Variants in KAZN observed in about 807,000 individuals in gnomAD.
KAZN encodes the protein kazrin.
KAZN carries 40 observed loss-of-function variants against 87.4 expected under a neutral mutation model. That is an observed-to-expected ratio of 0.46 (90% confidence interval 0.36 to 0.60). The LOEUF is 0.60. Ranked by LOEUF, KAZN falls within the 20% of genes least tolerant of loss-of-function variation. The pLI, the probability that KAZN is intolerant of heterozygous loss-of-function variation, is 0.00. For missense variants in KAZN, 898 were observed against 1,073.9 expected, an observed-to-expected ratio of 0.84 and a Z score of 2.29; for synonymous variants, 466 against 458.3, an observed-to-expected ratio of 1.02 and a Z score of -0.22.
chr1:14,725,065 A>G (rs1012276327), intron 1 of KAZN, among the ~76,000 whole-genome samples: 45 of 152,320 alleles, frequency 3.0e-4, no homozygotes, highest in African/African-American at 1.0e-3. Context: ...TTCCTCTTGT[A>G]ATTTACCAGA....
chr1:14,552,338 A>T lies in KAZN; in HGVS notation c.250-46645A>T, dbSNP rs141958366. On this transcript the variant is annotated intron_variant, in intron 2 of 16. Coordinates refer to the KAZN transcript ENST00000636203. ...CTGCAGCTTACCAGGCTCCACGGAG[A>T]GCGGCCCAGGCAGGAGGGCTGGGAG... Among the ~76,000 whole-genome samples the T allele has an allele frequency of 7.8e-3, 1,184 of 152,268 alleles. 17 individuals carry two copies. The highest frequency in any genetic ancestry group is 0.027 in the African/African-American group (1,115 of 41,548).
intron 1 of KAZN, among the ~76,000 whole-genome samples, chr1:14,896,253 C>G (rs190140551): frequency 2.6e-5 from 4 of 152,238 alleles, no homozygotes; most frequent in Admixed American, 2.0e-4. Context: ...CAGGGTTTCA[C>G]CATGTTGGCC....
At chr1:14,636,483 C>T (rs549097568) in intron 1 of KAZN, among the ~76,000 whole-genome samples, 10 of 152,280 alleles carry the variant, frequency 6.6e-5, no homozygotes, top group South Asian at 2.1e-4. Context: ...TCTCCTATGT[C>T]GCTTAAAACT....
chr1:14,912,467 T>C (rs1178703765), intron 1 of KAZN, among the ~76,000 whole-genome samples: 1 of 152,048 alleles, frequency 6.6e-6, no homozygotes, highest in Non-Finnish European at 1.5e-5. Flanking sequence ...TGGGATGGAA[T>C]GGGGGTTTGA....
intron 1 of KAZN, among the ~76,000 whole-genome samples, chr1:14,019,878 A>C (rs1640743327): frequency 6.6e-6 from 1 of 151,782 alleles, no homozygotes; most frequent in African/African-American, 2.4e-5. Flanking sequence ...CTGTCGGGGG[A>C]TGGTTTTGGG....
intron 1 of KAZN, among the ~76,000 whole-genome samples, chr1:14,746,254 T>C (rs1644257184): frequency 6.6e-6 from 1 of 152,226 alleles, no homozygotes; most frequent in East Asian, 1.9e-4. Context: ...ACCAAGTTCG[T>C]CATCTTTCCT....
intron 2 of KAZN, among the ~76,000 whole-genome samples, chr1:15,020,206 C>G (rs1462028432): frequency 2.0e-5 from 3 of 152,238 alleles, no homozygotes; most frequent in Non-Finnish European, 4.4e-5. Flanking sequence ...TCCCCACACA[C>G]TAGTCACTGT....
At chr1:14,178,188 C>A (rs930009763) in intron 1 of KAZN, among the ~76,000 whole-genome samples, 4 of 152,154 alleles carry the variant, frequency 2.6e-5, no homozygotes, top group African/African-American at 9.7e-5. Flanking sequence ...TTTCCTGAGG[C>A]CTCCCCAGCC....
chr1:14,380,919 G>A (rs556485605), intron 2 of KAZN, among the ~76,000 whole-genome samples: 1 of 152,250 alleles, frequency 6.6e-6, no homozygotes, highest in South Asian at 2.1e-4. Flanking sequence ...CTACATCAAG[G>A]CATTTAATAA....
At chr1:14,100,658 A>G (rs986086698) in intron 1 of KAZN, among the ~76,000 whole-genome samples, 1 of 152,128 alleles carries the variant, frequency 6.6e-6, no homozygotes, top group Non-Finnish European at 1.5e-5. Context: ...CACATAGGCA[A>G]CCTCTTGCCT....
At chr1:14,129,762 G>A (rs1363028646) in intron 1 of KAZN, among the ~76,000 whole-genome samples, 3 of 152,224 alleles carry the variant, frequency 2.0e-5, no homozygotes, top group Admixed American at 1.3e-4. Context: ...GTGGGAGAGA[G>A]AGAAGAGTGA....
In KAZN at chr1:14,328,748, GAAAAAA is replaced by G. The variant is rs3084955; in HGVS notation, c.249+148174_249+148179del. On this transcript the variant is annotated intron_variant, in intron 2 of 16. Transcript: ENST00000636203. ...AATACTTAAGAAGACATCCCTAACT[GAAAAAA>G]AAAAAAAAAAAAAAAAAGCCCTCCA... is the stretch of plus-strand genomic sequence containing the variant. 6.7e-3 allele frequency among the ~76,000 whole-genome samples: 377 copies of G among 55,952 alleles called. 2 individuals carry two copies. Among genetic ancestry groups the G allele is most frequent in the African/African-American group, 0.022 (356 of 16,068 alleles). The allele number at this position is 55,952 out of a possible 152,430, so 36.7% of individuals were successfully genotyped here.
intron 1 of KAZN, among the ~76,000 whole-genome samples, chr1:14,776,251 G>A (rs554268797): frequency 2.0e-5 from 3 of 152,184 alleles, no homozygotes; most frequent in Non-Finnish European, 2.9e-5. Context: ...TGATCTGCCC[G>A]CTTCGGCCTC....
At chr1:15,076,187 G>A (rs1403490280) in intron 8 of KAZN, among the ~76,000 whole-genome samples, 2 of 152,224 alleles carry the variant, frequency 1.3e-5, no homozygotes, top group Non-Finnish European at 2.9e-5. Context: ...GGAGGAACTT[G>A]AGGGCCTGTC....
chr1:14,878,518 C>T (rs892869672), intron 1 of KAZN, among the ~76,000 whole-genome samples: 44 of 152,266 alleles, frequency 2.9e-4, no homozygotes, highest in African/African-American at 1.0e-3. Context: ...TTCTGGGCCT[C>T]AGTTTCCCCA....
In KAZN at chr1:14,567,883, CA is replaced by C. The variant is rs149486696; in HGVS notation, c.250-31099del. ...ATTTTACTTAATATCCTGTGGTAGG[CA>C]GAATTCTAAAACCACCCCTAAGATT... On this transcript the variant is annotated intron_variant, in intron 2 of 16. Transcript: ENST00000636203. 4.1e-3 allele frequency among the ~76,000 whole-genome samples: 630 copies of C among 152,226 alleles called. 7 individuals carry two copies. Among genetic ancestry groups the C allele is most frequent in the African/African-American group, 0.014 (600 of 41,524 alleles).
chr1:15,111,839 T>TA lies in KAZN; in HGVS notation c.2049-584dup, dbSNP rs79510590. The TA allele has an allele frequency of 1.9e-3, 300 of 154,170 alleles. 2 individuals carry two copies. The highest frequency in any genetic ancestry group is 0.017 in the East Asian group (86 of 5,208). The allele number at this position is 154,170 out of a possible 1,614,324, so 9.6% of individuals were successfully genotyped here. ...CTGAGTTCCAATAAAACTTTATTTA[T>TA]AAAATCAGTCGGCCAGCTGGATTTG... On this transcript the variant is annotated intron_variant, in intron 13 of 14. Coordinates refer to ENST00000376030, the MANE Select transcript of KAZN (RefSeq NM_201628.3).
chr1:14,384,258 C>A (rs1335261169), intron 2 of KAZN, among the ~76,000 whole-genome samples: 2 of 151,886 alleles, frequency 1.3e-5, no homozygotes, highest in African/African-American at 4.8e-5. Flanking sequence ...ATGTCATCTG[C>A]AAACAGGGAT....
At chr1:14,034,259 G>C (rs983701410) in intron 1 of KAZN, among the ~76,000 whole-genome samples, 21 of 152,156 alleles carry the variant, frequency 1.4e-4, no homozygotes, top group Non-Finnish European at 1.5e-5. Flanking sequence ...AGATGTAGGA[G>C]GATACAAGCT....
Sources: gnomAD v4.1 joint callset for allele counts (sites outside exome capture counted in the v4.1 genomes callset) on GRCh38, gnomAD v4.1.1 for gene constraint, MANE v1.5 for transcripts, NCBI Gene and HGNC (gene_info 2026-07-23, HGNC 2026-07-21) for gene names.